The following ZFPM2 variants were observed in gnomAD, a reference collection of about 807,000 sequenced individuals.
ZFPM2 encodes the protein zinc finger protein, FOG family member 2, also known as zinc finger protein ZFPM2.
In ZFPM2, 20 loss-of-function variants were observed where a neutral mutation model predicts 98.6. The observed-to-expected ratio is 0.20, with a 90% CI of 0.14 to 0.29. ZFPM2 has a LOEUF of 0.29. Among genes scored for constraint, ZFPM2 ranks in the 10% least tolerant of loss-of-function variants. ZFPM2 has a pLI of 1.00. For synonymous variants in ZFPM2, 518 were observed against 502.7 expected (o/e 1.03, Z -0.41); for missense variants, 1,310 against 1,388.6 (o/e 0.94, Z 0.90).
chr8:105,468,174 A>T (rs78055481), intron 3 of ZFPM2, among the ~76,000 whole-genome samples: 4,162 of 151,672 alleles, frequency 0.027, 176 homozygotes, highest in African/African-American at 0.095. Flanking sequence ...TTCAACCAAG[A>T]ACATTTTTCT....
chr8:105,659,265 G>A (rs1563509122), intron 5 of ZFPM2, among the ~76,000 whole-genome samples: 1 of 151,726 alleles, frequency 6.6e-6, no homozygotes, highest in African/African-American at 2.4e-5. Flanking sequence ...AAAAAAAAAA[G>A]CAAATAAATA....
chr8:105,443,703 G>A (rs1249263613), intron 2 of ZFPM2, among the ~76,000 whole-genome samples: 2 of 152,164 alleles, frequency 1.3e-5, no homozygotes, highest in Middle Eastern at 3.4e-3. Flanking sequence ...CAAAAATATA[G>A]GTTTATAGTT....
chr8:105,788,419 C>G (rs1813487962), intron 5 of ZFPM2, among the ~76,000 whole-genome samples: 1 of 152,182 alleles, frequency 6.6e-6, no homozygotes. Context: ...GGTAAGGTTA[C>G]TGATTCAGGC....
At chr8:105,536,412 T>G (rs751063348) in intron 3 of ZFPM2, among the ~76,000 whole-genome samples, 30 of 152,108 alleles carry the variant, frequency 2.0e-4, no homozygotes, top group Non-Finnish European at 3.7e-4. Flanking sequence ...CTTGTCCCCT[T>G]TCTATTTTTT....
At chr8:105,701,009 G>C (rs1282042607) in intron 5 of ZFPM2, among the ~76,000 whole-genome samples, 1 of 152,114 alleles carries the variant, frequency 6.6e-6, no homozygotes, top group Non-Finnish European at 1.5e-5. Context: ...ATGATAAATA[G>C]TGTGTTTTGT....
At chr8:105,572,099 G>A (rs1467520535) in intron 4 of ZFPM2, among the ~76,000 whole-genome samples, 2 of 143,810 alleles carry the variant, frequency 1.4e-5, no homozygotes, top group Non-Finnish European at 3.0e-5. Context: ...GTGCAATGGT[G>A]CGATCTCATC....
intron 3 of ZFPM2, among the ~76,000 whole-genome samples, chr8:105,546,366 C>T (rs1343156518): frequency 2.6e-5 from 4 of 151,806 alleles, no homozygotes; most frequent in Admixed American, 2.0e-4. Flanking sequence ...CATCTGAGGC[C>T]GGGAGTTCAA....
intron 1 of ZFPM2, among the ~76,000 whole-genome samples, chr8:105,362,859 A>G (rs574127558): frequency 5.9e-5 from 9 of 152,322 alleles, no homozygotes; most frequent in African/African-American, 1.9e-4. Context: ...AGAGTCACAC[A>G]TAGATCAGAG....
intron 4 of ZFPM2, among the ~76,000 whole-genome samples, chr8:105,599,875 T>TA (rs200381339): frequency 1.6e-3 from 241 of 150,918 alleles, no homozygotes; most frequent in African/African-American, 5.4e-3. Flanking sequence ...ATGTGCACTT[T>TA]AAAAAAAAAA....
chr8:105,783,627 T>A (rs768310931), intron 5 of ZFPM2, among the ~76,000 whole-genome samples: 7 of 152,180 alleles, frequency 4.6e-5, no homozygotes, highest in Non-Finnish European at 1.0e-4. Context: ...TTCATGTAAG[T>A]GGAATCATAC....
chr8:105,556,219 A>C (rs1814987005), intron 3 of ZFPM2, among the ~76,000 whole-genome samples: 1 of 152,136 alleles, frequency 6.6e-6, no homozygotes, highest in Non-Finnish European at 1.5e-5. Flanking sequence ...AATGCTGATA[A>C]GAAGGGTGAA....
intron 4 of ZFPM2, among the ~76,000 whole-genome samples, chr8:105,570,480 G>A (rs1260513521): frequency 1.3e-5 from 2 of 152,192 alleles, no homozygotes; most frequent in Non-Finnish European, 2.9e-5. Flanking sequence ...AGCCAGAGAG[G>A]TCAATTGCAT....
At chr8:105,683,919 G>A (rs529356061) in intron 5 of ZFPM2, among the ~76,000 whole-genome samples, 97 of 152,258 alleles carry the variant, frequency 6.4e-4, no homozygotes, top group African/African-American at 2.2e-3. Flanking sequence ...GTGTTGTTCA[G>A]TACATGGCAG....
chr8:105,523,731 C>T (rs1318307702), intron 3 of ZFPM2, among the ~76,000 whole-genome samples: 1 of 152,128 alleles, frequency 6.6e-6, no homozygotes, highest in African/African-American at 2.4e-5. Flanking sequence ...ACTAAAATAC[C>T]ACAGGCATTT....
chr8:105,611,466 G>T (rs1816305896), intron 4 of ZFPM2, among the ~76,000 whole-genome samples: 1 of 152,012 alleles, frequency 6.6e-6, no homozygotes, highest in Admixed American at 6.6e-5. Context: ...GGTCATTTTG[G>T]CACATGGAGT....
intron 1 of ZFPM2, among the ~76,000 whole-genome samples, chr8:105,371,299 C>G (rs912432135): frequency 3.9e-5 from 6 of 152,000 alleles, no homozygotes; most frequent in African/African-American, 1.2e-4. Flanking sequence ...AGTCCAAAAG[C>G]TGAATATTTA....
At chr8:105,610,281 CT>C (rs1314321468) in intron 4 of ZFPM2, among the ~76,000 whole-genome samples, 2 of 151,990 alleles carry the variant, frequency 1.3e-5, no homozygotes, top group Non-Finnish European at 2.9e-5. Context: ...CTGGATAAGG[CT>C]TGTGATTAAA....
intron 4 of ZFPM2, among the ~76,000 whole-genome samples, chr8:105,614,152 C>T (rs1816365866): frequency 6.6e-6 from 1 of 151,982 alleles, no homozygotes; most frequent in Non-Finnish European, 1.5e-5. Context: ...TATTTTTTTC[C>T]AAACAATTCC....
chr8:105,788,819 A>G lies in ZFPM2; in HGVS notation c.634A>G (p.Met212Val), dbSNP rs1456060782. The change falls in exon 6 of 8, where the codon ATG (methionine) becomes GTG (valine). Residue 212 changes from methionine (M) to valine (V), a missense_variant. Physicochemically the swap from Met to Val is conservative, Grantham distance 21. Transcript: ENST00000407775. ...CTCAAGGCTACAAGCTGCCAGTCAG[A>G]TGACTCTCACAGAAGGGATGTACCC... ...FDSRLQAASQ[M>V]TLTEGMYPAR... 2 of 1,613,980 alleles carry G rather than the reference A, an allele frequency of 1.2e-6. No individual in the cohort carries two copies. The highest frequency in any genetic ancestry group is 1.7e-5 in the Admixed American group (1 of 60,020).
Sources: gnomAD v4.1 joint callset for allele counts (sites outside exome capture counted in the v4.1 genomes callset) on GRCh38, gnomAD v4.1.1 for gene constraint, MANE v1.5 for transcripts, NCBI Gene and HGNC (gene_info 2026-07-23, HGNC 2026-07-21) for gene names.